Variants in C8orf89 observed in about 807,000 individuals in gnomAD.
The protein encoded by C8orf89 is putative uncharacterized protein C8orf89.
A neutral mutation model predicts 15.8 loss-of-function variants in C8orf89; 14 were observed. That is an observed-to-expected ratio of 0.89 (90% CI 0.59 to 1.39). C8orf89 has a LOEUF of 1.39. C8orf89 is among the 40% of genes most tolerant of loss of function. The pLI, the probability that C8orf89 is intolerant of heterozygous loss-of-function variation, is 0.00. For synonymous variants in C8orf89, 55 were observed against 62.2 expected (o/e 0.88, Z 0.54); for missense variants, 181 against 184.5 (o/e 0.98, Z 0.11).
intron 3 of C8orf89, among the ~76,000 whole-genome samples, chr8:73,248,242 A>G (rs752890258): frequency 3.9e-5 from 6 of 152,084 alleles, no homozygotes; most frequent in Non-Finnish European, 8.8e-5. Flanking sequence ...TGAAAATCAG[A>G]TAGTTGTAGG....
chr8:73,253,033 C>T (rs540530662), intron 2 of C8orf89, among the ~76,000 whole-genome samples: 340 of 152,340 alleles, frequency 2.2e-3, no homozygotes, highest in Non-Finnish European at 3.5e-3. Flanking sequence ...GTCCCAGCTA[C>T]TCCAGAGGCT....
the C8orf89 span, among the ~76,000 whole-genome samples, chr8:73,284,222 TTTTTTTTTG>T: frequency 4.3e-5 from 2 of 46,568 alleles, no homozygotes; most frequent in Non-Finnish European, 5.0e-5. Flanking sequence ...TTTTTTTTTT[TTTTTTTTTG>T]GTGATGGAGT....
At chr8:73,251,283 A>G (rs934080844) in intron 2 of C8orf89, among the ~76,000 whole-genome samples, 1 of 152,224 alleles carries the variant, frequency 6.6e-6, no homozygotes. Context: ...GAGGGAAAAA[A>G]GAGAGTAAGG....
the C8orf89 span, chr8:73,277,923 G>A: frequency 4.5e-6 from 3 of 670,900 alleles, no homozygotes; most frequent in African/African-American, 1.8e-5. Context: ...GCCGCTTTCT[G>A]GGGCTTAGAG....
chr8:73,279,906 C>T, the C8orf89 span, among the ~76,000 whole-genome samples: 3 of 152,192 alleles, frequency 2.0e-5, no homozygotes, highest in Non-Finnish European at 4.4e-5. Flanking sequence ...GCATCAACCA[C>T]CAGACATGTG....
chr8:73,265,882 T>G, the C8orf89 span, among the ~76,000 whole-genome samples: 3 of 152,318 alleles, frequency 2.0e-5, no homozygotes, highest in Admixed American at 2.0e-4. Flanking sequence ...GAAACCTGGA[T>G]GCCAACATGG....
chr8:73,278,560 C>T, the C8orf89 span, among the ~76,000 whole-genome samples: 1 of 152,064 alleles, frequency 6.6e-6, no homozygotes, highest in Admixed American at 6.6e-5. Context: ...TACATTTCAC[C>T]CCCATACTTA....
At chr8:73,243,719 G>A (rs950192483) in intron 3 of C8orf89, among the ~76,000 whole-genome samples, 19 of 151,920 alleles carry the variant, frequency 1.3e-4, no homozygotes, top group African/African-American at 3.6e-4. Context: ...TAGTAGAGAC[G>A]GGGTTTCACC....
At chr8:73,241,799 T>G (rs1359877450) in intron 3 of C8orf89, among the ~76,000 whole-genome samples, 194 bp from the exon 4 acceptor site, 17 of 151,788 alleles carry the variant, frequency 1.1e-4, no homozygotes, top group Admixed American at 1.1e-3. Context: ...TAGAACAGAA[T>G]AAACAACCCA....
At chr8:73,285,704 G>A in the C8orf89 span, among the ~76,000 whole-genome samples, 1 of 152,216 alleles carries the variant, frequency 6.6e-6, no homozygotes, top group African/African-American at 2.4e-5. Flanking sequence ...GGTGGCTGGG[G>A]CAGCGGGCAC....
At chr8:73,249,629 G>A (rs1158168101) in intron 3 of C8orf89, among the ~76,000 whole-genome samples, 2 of 152,066 alleles carry the variant, frequency 1.3e-5, no homozygotes, top group African/African-American at 4.8e-5. Context: ...TTGCACATAG[G>A]AAAGGATGAA....
chr8:73,266,063 C>A, the C8orf89 span, among the ~76,000 whole-genome samples: 1 of 152,232 alleles, frequency 6.6e-6, no homozygotes, highest in African/African-American at 2.4e-5. Flanking sequence ...CATCCAGTCA[C>A]ATTCCCACAG....
intron 2 of C8orf89, among the ~76,000 whole-genome samples, chr8:73,255,444 G>T (rs1005124878): frequency 6.6e-6 from 1 of 152,054 alleles, no homozygotes; most frequent in Non-Finnish European, 1.5e-5. Flanking sequence ...AGTTAGAATG[G>T]CAATCATTAA....
chr8:73,242,125 G>A (rs1813020735), intron 3 of C8orf89, among the ~76,000 whole-genome samples: 1 of 152,064 alleles, frequency 6.6e-6, no homozygotes, highest in Non-Finnish European at 1.5e-5. Context: ...GGCAATCAAA[G>A]CAAAAATGGA....
At chr8:73,282,295 G>A in the C8orf89 span, among the ~76,000 whole-genome samples, 6 of 152,264 alleles carry the variant, frequency 3.9e-5, no homozygotes, top group South Asian at 4.1e-4. Flanking sequence ...AATACAAAGC[G>A]GTGTGTATAA....
At chr8:73,274,198 G>A in the C8orf89 span, among the ~76,000 whole-genome samples, 1 of 151,984 alleles carries the variant, frequency 6.6e-6, no homozygotes, top group Non-Finnish European at 1.5e-5. Context: ...CTGTCGCCCA[G>A]GCTGGAGTGC....
the C8orf89 span, among the ~76,000 whole-genome samples, chr8:73,282,173 A>T: frequency 6.6e-6 from 1 of 152,254 alleles, no homozygotes; most frequent in Non-Finnish European, 1.5e-5. Context: ...TGTACGATAT[A>T]CACATAAATG....
At chr8:73,281,875 A>C in the C8orf89 span, among the ~76,000 whole-genome samples, 2 of 152,342 alleles carry the variant, frequency 1.3e-5, no homozygotes, top group East Asian at 3.9e-4. Flanking sequence ...GAAGCTAAGC[A>C]AGTATGCTTT....
chr8:73,277,809 G>A, the C8orf89 span: 1 of 723,182 alleles, frequency 1.4e-6, no homozygotes. Flanking sequence ...CCTCCGCACA[G>A]CCATAATCAC....
Sources: gnomAD v4.1 joint callset for allele counts (sites outside exome capture counted in the v4.1 genomes callset) on GRCh38, gnomAD v4.1.1 for gene constraint, MANE v1.5 for transcripts, NCBI Gene and HGNC (gene_info 2026-07-23, HGNC 2026-07-21) for gene names.